The following LAMA3 variants were observed in gnomAD, a reference collection of about 807,000 sequenced individuals.
LAMA3 encodes laminin subunit alpha 3.
A neutral mutation model predicts 402.0 loss-of-function variants in LAMA3; 281 were observed. The observed-to-expected ratio is 0.70, with a 90% CI of 0.63 to 0.77. LAMA3 has a LOEUF of 0.77. LAMA3 is among the 30% of genes least tolerant of loss of function. The pLI is 0.00. For missense variants in LAMA3, 3,840 were observed against 4,215.5 expected, an observed-to-expected ratio of 0.91 and a Z score of 2.47; for synonymous variants, 1,431 against 1,558.4, an observed-to-expected ratio of 0.92 and a Z score of 1.93.
chr18:23,827,230 A>G, intron 22 of LAMA3, 84 bp from the exon 23 acceptor site: 2 of 1,360,194 alleles, frequency 1.5e-6, no homozygotes, highest in Non-Finnish European at 1.1e-6. Flanking sequence ...TGAATGACTG[A>G]GAGTCTTTGG....
chr18:23,848,154 G>T (rs1375882268), intron 32 of LAMA3, among the ~76,000 whole-genome samples: 1 of 152,204 alleles, frequency 6.6e-6, no homozygotes, highest in Non-Finnish European at 1.5e-5. Flanking sequence ...ATTTGGGCTG[G>T]AAGGGGAGCT....
In LAMA3 at chr18:23,952,975, G is replaced by A. The variant is rs1215577377; in HGVS notation, c.9737-15G>A. 6.2e-7 allele frequency: 1 copy of A among 1,613,900 alleles called. No individual in the cohort carries two copies. Among genetic ancestry groups the A allele is most frequent in the East Asian group, 2.2e-5 (1 of 44,872 alleles). On this transcript the variant is annotated splice_polypyrimidine_tract_variant and intron_variant, in intron 73 of 74. Coordinates refer to ENST00000313654, the MANE Select transcript of LAMA3 (RefSeq NM_198129.4). ...TCACCTCCGATGATAGACCTAACCAGCCTCCTTTCCCCAGTCACCATAAAA... is the reference window on the plus strand; with the variant it reads ...TCACCTCCGATGATAGACCTAACCAACCTCCTTTCCCCAGTCACCATAAAA...
intron 2 of LAMA3, among the ~76,000 whole-genome samples, chr18:23,734,079 C>T (rs1041788374): frequency 6.6e-6 from 1 of 152,228 alleles, no homozygotes; most frequent in Non-Finnish European, 1.5e-5. Flanking sequence ...GCGTGGGACA[C>T]GTGAGTGGAG....
chr18:23,890,302 TGCTTAGATAGTATTTTCA>T (rs1253110104), intron 42 of LAMA3, among the ~76,000 whole-genome samples, 185 bp downstream of exon 42: 1 of 152,218 alleles, frequency 6.6e-6, no homozygotes, highest in East Asian at 1.9e-4. Context: ...AACCTGGGAA[TGCTTAGATAGTATTTTCA>T]GCTTTGGTGA....
chr18:23,871,644 G>A lies in LAMA3; in HGVS notation c.4981G>A (p.Ala1661Thr), dbSNP rs1455023789. The A allele has an allele frequency of 1.2e-6, 2 of 1,608,498 alleles. No individual in the cohort carries two copies. The highest frequency in any genetic ancestry group is 1.3e-5 in the African/African-American group (1 of 75,006). The change falls in exon 38 of 75, where the codon GCT (alanine) becomes ACT (threonine). Residue 1661 changes from alanine (A) to threonine (T), a missense_variant. Around this residue, in one of 3 missense-constraint regions of LAMA3, gnomAD observed 2,109 missense variants for 2,376.0 expected, o/e 0.89. Transcript: ENST00000313654. ...VEICACPPAY[A>T]GDSCQGCSPG... ...AATCTGTGCCTGCCCCCCTGCCTAC[G>A]CTGGTGACTCTTGTCAGGTAGGAAG...
In LAMA3 at chr18:23,741,894, G is replaced by A. The variant is rs138992776; in HGVS notation, c.448-6049G>A. On this transcript the variant is annotated intron_variant, in intron 2 of 74. Coordinates refer to ENST00000313654, the MANE Select transcript of LAMA3 (RefSeq NM_198129.4). ...GACAGCACTTTGGGAGGCTGAGGCG[G>A]GCGGATCACTTGAGGTCAGGAGTTC... Among the ~76,000 whole-genome samples, 5 of 152,246 alleles carry A rather than the reference G, an allele frequency of 3.3e-5. No individual in the cohort carries two copies. The East Asian group carries it at 9.6e-4, about 29-fold the overall frequency.
intron 12 of LAMA3, among the ~76,000 whole-genome samples, chr18:23,785,261 G>T (rs1467647724): frequency 6.6e-6 from 1 of 152,216 alleles, no homozygotes; most frequent in Non-Finnish European, 1.5e-5. Flanking sequence ...CCCCAACAGA[G>T]TCTGAGAAGT....
chr18:23,692,387 T>G (rs577257536), intron 1 of LAMA3, among the ~76,000 whole-genome samples: 1 of 152,338 alleles, frequency 6.6e-6, no homozygotes, highest in East Asian at 1.9e-4. Context: ...TTCTTCTGCC[T>G]CAGCCTCCCG....
intron 56 of LAMA3, among the ~76,000 whole-genome samples, chr18:23,913,327 G>A (rs1436750930): frequency 6.6e-6 from 1 of 152,162 alleles, no homozygotes; most frequent in Admixed American, 6.5e-5. Flanking sequence ...CCTGTGGGAT[G>A]GAGAGATTAT....
At chr18:23,889,417 C>T (rs1207355397) in intron 41 of LAMA3, among the ~76,000 whole-genome samples, 1 of 151,798 alleles carries the variant, frequency 6.6e-6, no homozygotes, top group Non-Finnish European at 1.5e-5. Flanking sequence ...AAAAAATTAG[C>T]CAGAAATGGT....
chr18:23,889,962 A>G, intron 41 of LAMA3, 49 bp from the exon 42 acceptor site: 3 of 1,409,286 alleles, frequency 2.1e-6, no homozygotes, highest in Non-Finnish European at 3.0e-6. Context: ...TGGTTGAGAT[A>G]AACGATGAGT....
chr18:23,823,656 G>C (rs2063328925), intron 20 of LAMA3, among the ~76,000 whole-genome samples: 2 of 152,060 alleles, frequency 1.3e-5, no homozygotes, highest in Non-Finnish European at 2.9e-5. Flanking sequence ...TCCAAGCCTG[G>C]CACATAGTAG....
chr18:23,781,369 A>T (rs1384943116), intron 11 of LAMA3: 2 of 448,630 alleles, frequency 4.5e-6, no homozygotes, highest in Non-Finnish European at 8.9e-6. Flanking sequence ...TCTGAAAAGG[A>T]GGAAAAACTT....
At chr18:23,890,280 C>G (rs772807027) in intron 42 of LAMA3, among the ~76,000 whole-genome samples, 163 bp downstream of exon 42, 17 of 152,202 alleles carry the variant, frequency 1.1e-4, no homozygotes, top group Non-Finnish European at 2.4e-4. Context: ...AAGCTGTCCC[C>G]TTGTTTTGAC....
chr18:23,890,116 A>G lies in LAMA3; in HGVS notation c.5409A>G (p.Gly1803=). ...GQLGSCHPLT[G]DCINQEPKDS... ...TGGGCAGCTGTCATCCCCTGACTGG[A>G]GGTAAGGCCGACCCACACCCCTGCT... The change falls in exon 42 of 75, where the codon GGA becomes GGG. Residue 1803 remains glycine (G), a splice_region_variant and synonymous_variant. Coordinates refer to ENST00000313654, the MANE Select transcript of LAMA3 (RefSeq NM_198129.4). 3 of 1,604,634 alleles carry G rather than the reference A, an allele frequency of 1.9e-6. No homozygotes were observed. Among genetic ancestry groups the G allele is most frequent in the Non-Finnish European group, 1.7e-6 (2 of 1,171,326 alleles).
intron 38 of LAMA3, among the ~76,000 whole-genome samples, chr18:23,875,520 C>G (rs1293916378): frequency 6.6e-6 from 1 of 152,122 alleles, no homozygotes; most frequent in Non-Finnish European, 1.5e-5. Context: ...TGTTCGTGAA[C>G]AGTCCTGTAT....
intron 11 of LAMA3, among the ~76,000 whole-genome samples, chr18:23,778,149 G>T (rs45597732): frequency 0.011 from 1,678 of 152,334 alleles, 20 homozygotes; most frequent in Non-Finnish European, 0.019. Flanking sequence ...CAAGCCCCTG[G>T]CAGAGAGTAG....
chr18:23,806,633 A>G (rs1231140255), intron 12 of LAMA3, among the ~76,000 whole-genome samples: 2 of 152,116 alleles, frequency 1.3e-5, no homozygotes, highest in African/African-American at 4.8e-5. Context: ...ATCTTCCCAT[A>G]TGTCCCCAAA....
chr18:23,888,844 T>C (rs969669155), intron 41 of LAMA3, among the ~76,000 whole-genome samples: 5 of 151,914 alleles, frequency 3.3e-5, no homozygotes, highest in African/African-American at 1.2e-4. Context: ...AATGACAATT[T>C]GGGGGTGACT....
Sources: allele counts gnomAD v4.1 joint callset (sites outside exome capture counted in the v4.1 genomes callset), GRCh38; gene constraint gnomAD v4.1.1; regional missense constraint gnomAD v4.1.1; transcripts MANE v1.5; gene names NCBI Gene and HGNC (gene_info 2026-07-23, HGNC 2026-07-21).